ST8SIA1: variants seen among roughly 807,000 people sequenced by gnomAD.
ST8SIA1 encodes the protein alpha-N-acetylneuraminide alpha-2,8-sialyltransferase.
In ST8SIA1, 16 loss-of-function variants were observed where a neutral mutation model predicts 35.9. The ratio of observed to expected loss-of-function variants is 0.45; its 90% CI spans 0.30 to 0.68. ST8SIA1 has a LOEUF of 0.68. ST8SIA1 is among the 30% of genes least tolerant of loss of function. The probability of loss-of-function intolerance (pLI) is 0.09; values close to 1 mark genes in which losing one functional copy is unlikely to be tolerated. For synonymous variants in ST8SIA1, 170 were observed against 169.6 expected (o/e 1.00, Z -0.02); for missense variants, 383 against 453.6 (o/e 0.84, Z 1.41).
chr12:22,216,064 G>A lies in ST8SIA1; in HGVS notation c.585-14026C>T, dbSNP rs1443962070. 3.9e-5 allele frequency among the ~76,000 whole-genome samples: 6 copies of A among 152,256 alleles called. 1 individual carries two copies. In the South Asian group the frequency reaches 6.2e-4, roughly 16 times the overall value. ...GAGAAAGAACGCTTTGCTGTATTAC[G>A]TCATGAAAGTTTGGGGTAGTTTATC... is the stretch of plus-strand genomic sequence containing the variant. On this transcript the variant is annotated intron_variant, in intron 4 of 4. Transcript: ENST00000396037.
At chr12:22,324,135 G>A (rs1467552707) in intron 1 of ST8SIA1, among the ~76,000 whole-genome samples, 2 of 152,120 alleles carry the variant, frequency 1.3e-5, no homozygotes, top group African/African-American at 4.8e-5. Context: ...AAGATCATTG[G>A]TTAAATACAT....
At chr12:22,233,668 G>T (rs986446394) in intron 4 of ST8SIA1, among the ~76,000 whole-genome samples, 13 of 151,750 alleles carry the variant, frequency 8.6e-5, no homozygotes, top group African/African-American at 2.4e-4. Flanking sequence ...AAAAAAAAAG[G>T]GTCCAAAGAC....
At chr12:22,271,567 G>T (rs909221963) in intron 2 of ST8SIA1, among the ~76,000 whole-genome samples, 5 of 152,086 alleles carry the variant, frequency 3.3e-5, no homozygotes, top group Admixed American at 2.6e-4. Context: ...GAAGGGAAAC[G>T]TAAGAAATTA....
At chr12:22,235,384 T>C (rs1865465972) in intron 4 of ST8SIA1, among the ~76,000 whole-genome samples, 1 of 152,216 alleles carries the variant, frequency 6.6e-6, no homozygotes, top group South Asian at 2.1e-4. Context: ...GAATTACAAA[T>C]ATAAATTTAG....
chr12:22,205,248 G>A (rs144043433), intron 4 of ST8SIA1, among the ~76,000 whole-genome samples: 1 of 151,932 alleles, frequency 6.6e-6, no homozygotes, highest in African/African-American at 2.4e-5. Flanking sequence ...TTTTTATAAC[G>A]TAGCTCAGAA....
Position 22,268,230 on chromosome 12 carries a change from C to T in ST8SIA1, c.382-12841G>A, listed in dbSNP as rs566143745. ...TCTAAGCAAATGCAGCAAACCTGTT[C>T]CCTTTTTCAGACCACTGACAGAAAG... On this transcript the variant is annotated intron_variant, in intron 2 of 4. Transcript: ENST00000396037. Among the ~76,000 whole-genome samples the T allele has an allele frequency of 3.3e-5, 5 of 152,334 alleles. No individual in the cohort carries two copies. In the South Asian group the frequency reaches 6.2e-4, roughly 19 times the overall value.
intron 1 of ST8SIA1, among the ~76,000 whole-genome samples, chr12:22,300,074 A>C (rs1312574741): frequency 6.6e-6 from 1 of 152,146 alleles, no homozygotes; most frequent in Non-Finnish European, 1.5e-5. Flanking sequence ...CTAAGATTTA[A>C]AAGAATTATT....
intron 2 of ST8SIA1, among the ~76,000 whole-genome samples, chr12:22,256,509 C>A (rs187264079): frequency 1.0e-3 from 157 of 152,192 alleles, no homozygotes; most frequent in Non-Finnish European, 1.6e-3. Flanking sequence ...AAATAACCAC[C>A]CTACATGAAT....
chr12:22,257,378 ATTTTTTT>A (rs34136511), intron 2 of ST8SIA1, among the ~76,000 whole-genome samples: 3 of 118,602 alleles, frequency 2.5e-5, no homozygotes, highest in Non-Finnish European at 5.2e-5. Flanking sequence ...TGCCCAGCTA[ATTTTTTT>A]TTTTTTTTTT....
chr12:22,301,642 C>T (rs972340115), intron 1 of ST8SIA1, among the ~76,000 whole-genome samples: 14 of 152,140 alleles, frequency 9.2e-5, no homozygotes, highest in African/African-American at 3.4e-4. Flanking sequence ...GATTATTTTA[C>T]CACGGCTTTG....
At chr12:22,319,194 C>T (rs977782784) in intron 1 of ST8SIA1, among the ~76,000 whole-genome samples, 3 of 152,004 alleles carry the variant, frequency 2.0e-5, no homozygotes, top group Admixed American at 6.5e-5. Flanking sequence ...GAAAATAGTG[C>T]CTGGCATATG....
At position 22,196,447 on chromosome 12, in the gene ST8SIA1, C is replaced by A. The variant is rs1864989408; in HGVS notation, c.*5105G>T. The A allele has an allele frequency of 6.6e-6, 1 of 152,062 alleles. No homozygotes were observed. The highest frequency in any genetic ancestry group is 2.4e-5 in the African/African-American group (1 of 41,402). 9.4% of individuals were successfully genotyped at this position (152,062 alleles called of 1,614,324 possible). On this transcript the variant is annotated 3_prime_UTR_variant, in exon 5 of 5. Coordinates refer to ENST00000396037, the MANE Select transcript of ST8SIA1 (RefSeq NM_003034.4). ...GGCTGAGGGTAAAGCAGATGGTATCCATTTTCTTATGATAGAAGGGAAAAA... is the reference window on the plus strand; with the variant it reads ...GGCTGAGGGTAAAGCAGATGGTATCAATTTTCTTATGATAGAAGGGAAAAA...
chr12:22,235,500 C>A (rs1591830985), intron 4 of ST8SIA1, among the ~76,000 whole-genome samples: 1 of 152,160 alleles, frequency 6.6e-6, no homozygotes, highest in South Asian at 2.1e-4. Context: ...TCATTAGTAG[C>A]TGGACAATCT....
chr12:22,207,038 T>C (rs1865117290), intron 4 of ST8SIA1, among the ~76,000 whole-genome samples: 1 of 152,158 alleles, frequency 6.6e-6, no homozygotes, highest in African/African-American at 2.4e-5. Context: ...ACAGTAGGCC[T>C]AGAAAGCCAT....
At chr12:22,295,425 C>T (rs1356366309) in intron 1 of ST8SIA1, among the ~76,000 whole-genome samples, 1 of 152,096 alleles carries the variant, frequency 6.6e-6, no homozygotes, top group East Asian at 1.9e-4. Flanking sequence ...AAGTAGGACT[C>T]AAAGACATGG....
intron 4 of ST8SIA1, among the ~76,000 whole-genome samples, chr12:22,222,720 T>G (rs1027498088): frequency 1.3e-5 from 2 of 152,044 alleles, no homozygotes; most frequent in Non-Finnish European, 2.9e-5. Context: ...GATTTATTTA[T>G]GATTGATAAA....
chr12:22,303,373 G>A (rs144750261), intron 1 of ST8SIA1, among the ~76,000 whole-genome samples: 2,006 of 151,854 alleles, frequency 0.013, 13 homozygotes, highest in Non-Finnish European at 0.023. Context: ...CAGGTTTCCT[G>A]CTTCCTTGGC....
At chr12:22,258,249 G>A (rs1865749531) in intron 2 of ST8SIA1, among the ~76,000 whole-genome samples, 4 of 152,068 alleles carry the variant, frequency 2.6e-5, no homozygotes, top group Admixed American at 2.6e-4. Flanking sequence ...CAGGTTTCTG[G>A]GGAACGATTT....
intron 1 of ST8SIA1, among the ~76,000 whole-genome samples, chr12:22,313,118 C>A (rs1399476429): frequency 1.3e-5 from 2 of 152,138 alleles, no homozygotes; most frequent in Non-Finnish European, 2.9e-5. Flanking sequence ...ACATATGAGA[C>A]CTTGAGTATG....
Sources: gnomAD v4.1 joint callset for allele counts (sites outside exome capture counted in the v4.1 genomes callset) on GRCh38, gnomAD v4.1.1 for gene constraint, MANE v1.5 for transcripts, NCBI Gene and HGNC (gene_info 2026-07-23, HGNC 2026-07-21) for gene names.